Variants in NLRP14 observed in about 807,000 individuals in gnomAD.
NLRP14 encodes the protein NLR family pyrin domain containing 14.
A neutral mutation model predicts 94.7 loss-of-function variants in NLRP14; 105 were observed. The ratio of observed to expected loss-of-function variants is 1.11; its 90% confidence interval spans 0.95 to 1.30. NLRP14 has a LOEUF of 1.30. Ranked by LOEUF, NLRP14 falls within the 50% of genes most tolerant of loss-of-function variation. The pLI is 0.00. For missense variants in NLRP14, 1,362 were observed against 1,254.1 expected (o/e 1.09, Z -1.30); for synonymous variants, 508 against 459.9 (o/e 1.10, Z -1.34).
chr11:7,063,682 G>A (rs917780819), intron 10 of NLRP14, among the ~76,000 whole-genome samples: 10 of 152,042 alleles, frequency 6.6e-5, no homozygotes, highest in African/African-American at 2.4e-4. Flanking sequence ...TGGCCACTCT[G>A]ATTAACAGAG....
At chr11:7,076,578 G>T in the NLRP14 span, among the ~76,000 whole-genome samples, 1 of 152,020 alleles carries the variant, frequency 6.6e-6, no homozygotes, top group African/African-American at 2.4e-5. Context: ...GCTGGCTCTG[G>T]ATGATCCCTT....
intron 9 of NLRP14, among the ~76,000 whole-genome samples, chr11:7,061,935 G>C (rs2075840974): frequency 6.6e-6 from 1 of 151,940 alleles, no homozygotes. Context: ...TTTATATGTA[G>C]CTTTCTTCTT....
chr11:7,027,213 A>T (rs1189816222), intron 1 of NLRP14, among the ~76,000 whole-genome samples: 1 of 151,484 alleles, frequency 6.6e-6, no homozygotes, highest in Non-Finnish European at 1.5e-5. Context: ...TTTCTCTAAA[A>T]CAAAACAATA....
the NLRP14 span, among the ~76,000 whole-genome samples, chr11:7,078,462 A>AAAAAAAAAAAAAAAG: frequency 8.8e-4 from 78 of 88,528 alleles, 20 homozygotes; most frequent in East Asian, 2.1e-3. Context: ...AAAAAAAAAA[A>AAAAAAAAAAAAAAAG]CAAAAAAATT....
At chr11:7,075,048 T>A (rs1231034021), downstream of NLRP14, among the ~76,000 whole-genome samples, 1 of 152,078 alleles carries the variant, frequency 6.6e-6, no homozygotes, top group African/African-American at 2.4e-5. Context: ...AAGGGCTGGT[T>A]TCTGTTTAGC....
intron 1 of NLRP14, among the ~76,000 whole-genome samples, chr11:7,034,233 C>T (rs1259026778): frequency 6.6e-6 from 1 of 152,198 alleles, no homozygotes; most frequent in Non-Finnish European, 1.5e-5. Flanking sequence ...AGTACGGACT[C>T]ATGGACATTT....
chr11:7,035,509 C>T (rs1453900510), intron 1 of NLRP14, among the ~76,000 whole-genome samples: 1 of 152,180 alleles, frequency 6.6e-6, no homozygotes, highest in Non-Finnish European at 1.5e-5. Flanking sequence ...TGCTGCTCAA[C>T]ATCATATAAC....
downstream of NLRP14, among the ~76,000 whole-genome samples, chr11:7,073,580 G>T (rs895652282): frequency 6.6e-6 from 1 of 152,132 alleles, no homozygotes; most frequent in African/African-American, 2.4e-5. Context: ...CAAGTTCCAG[G>T]TTGTGACCTG....
intron 6 of NLRP14, among the ~76,000 whole-genome samples, chr11:7,051,910 C>T (rs936041097): frequency 2.0e-5 from 3 of 152,214 alleles, no homozygotes; most frequent in Admixed American, 1.3e-4. Context: ...CATGAGCCAT[C>T]GCACCTGGCC....
chr11:7,057,599 AC>A, intron 6 of NLRP14, 77 bp from the exon 7 acceptor site: 1 of 1,360,230 alleles, frequency 7.4e-7, no homozygotes, highest in Non-Finnish European at 1.0e-6. Context: ...GAAACTTCCT[AC>A]CTTTGGGATC....
At chr11:7,078,654 G>C in the NLRP14 span, among the ~76,000 whole-genome samples, 1 of 151,782 alleles carries the variant, frequency 6.6e-6, no homozygotes, top group Non-Finnish European at 1.5e-5. Flanking sequence ...CGGGCATGGT[G>C]GTGGGTGCTT....
At chr11:7,061,166 T>A (rs968144709) in intron 9 of NLRP14, among the ~76,000 whole-genome samples, 2 of 152,080 alleles carry the variant, frequency 1.3e-5, no homozygotes, top group African/African-American at 4.8e-5. Context: ...CAAATGAGTT[T>A]AATAATTTAA....
chr11:7,057,933 G>A, intron 7 of NLRP14, 86 bp downstream of exon 7: 3 of 1,096,360 alleles, frequency 2.7e-6, no homozygotes, highest in Non-Finnish European at 4.2e-6. Flanking sequence ...AACTTCTTGG[G>A]TCTTGGCACT....
Position 7,042,650 on chromosome 11 carries a change from G to T in NLRP14, c.624G>T (p.Gln208His). The change falls in exon 4 of 12, where the codon CAG becomes CAT. Residue 208 changes from glutamine to histidine, a missense_variant. By Grantham distance (24) the Gln-to-His change is conservative. Transcript: ENST00000299481. ...LDWAEGSLYQQRFKYVFYLNG... is the reference protein window; with the variant it reads ...LDWAEGSLYQHRFKYVFYLNG... ...GGGCAGAGGGCAGTCTCTACCAGCA[G>T]AGGTTTAAGTATGTTTTTTATCTCA... 3.1e-6 allele frequency: 5 copies of T among 1,614,202 alleles called. No homozygotes were observed. The highest frequency in any genetic ancestry group is 3.3e-5 in the Admixed American group (2 of 60,020).
rs1852774863 is a variant in NLRP14, at chr11:7,070,393, A to G, written c.3083A>G (p.Tyr1028Cys). 6.2e-7 allele frequency: 1 copy of G among 1,608,586 alleles called. No homozygotes were observed. Among genetic ancestry groups the G allele is most frequent in the Non-Finnish European group, 8.5e-7 (1 of 1,174,982 alleles). The change falls in exon 11 of 12, where the codon TAT (tyrosine) becomes TGT (cysteine). Residue 1028 changes from tyrosine (Y) to cysteine (C), a missense_variant. By Grantham distance (194) the Tyr-to-Cys change is radical. Coordinates refer to ENST00000299481, the MANE Select transcript of NLRP14 (RefSeq NM_176822.4). ...AATCTGACACAGAATACCTTAGGAT[A>G]TGAAGGAATTGTGAAGTTATATAAA... is the stretch of plus-strand genomic sequence containing the variant. The part of the protein sequence containing the change: ...KMNLTQNTLG[Y>C]EGIVKLYKVL...
chr11:7,042,354 T>G (rs774578445), intron 3 of NLRP14, 34 bp from the exon 4 acceptor site: 1 of 1,587,586 alleles, frequency 6.3e-7, no homozygotes, highest in African/African-American at 1.3e-5. Context: ...TGTGTCTTTG[T>G]TTTTGTTTTT....
intron 11 of NLRP14, 122 bp from the exon 12 acceptor site, chr11:7,071,051 A>G: frequency 9.2e-7 from 1 of 1,085,418 alleles, no homozygotes; most frequent in East Asian, 2.5e-5. Context: ...CCCATGTTAT[A>G]ATATTATCTC....
the NLRP14 span, chr11:7,089,560 C>T: frequency 5.0e-6 from 6 of 1,192,778 alleles, no homozygotes; most frequent in African/African-American, 1.6e-5. Context: ...GCCCCGATGC[C>T]CATGAAGCGT....
At position 7,043,043 on chromosome 11, in the gene NLRP14, T is replaced by G. The variant is rs1852287120; in HGVS notation, c.1017T>G (p.Ile339Met). 1 of 1,614,006 alleles carries G rather than the reference T, an allele frequency of 6.2e-7. No individual in the cohort carries two copies. Among genetic ancestry groups the G allele is most frequent in the African/African-American group, 1.3e-5 (1 of 74,924 alleles). The change falls in exon 4 of 12, where the codon ATT becomes ATG. Residue 339 changes from isoleucine to methionine, a missense_variant. Transcript: ENST00000299481. ...GMSEDAREEY[I>M]YQFFEDKRWA... ...CTGAGGATGCAAGAGAGGAGTATAT[T>G]TACCAGTTTTTTGAAGATAAGAGGT...
Sources: allele counts gnomAD v4.1 joint callset (sites outside exome capture counted in the v4.1 genomes callset), GRCh38; gene constraint gnomAD v4.1.1; transcripts MANE v1.5; gene names NCBI Gene and HGNC (gene_info 2026-07-23, HGNC 2026-07-21).